The following LMOD1 variants were observed in gnomAD, a reference collection of about 807,000 sequenced individuals.
LMOD1 encodes the protein leiomodin-1.
A neutral mutation model predicts 36.5 loss-of-function variants in LMOD1; 8 were observed. That is an observed-to-expected ratio of 0.22 (90% CI 0.13 to 0.40). LMOD1 has a LOEUF of 0.40. Among genes scored for constraint, LMOD1 ranks in the 10% least tolerant of loss-of-function variants. The probability of loss-of-function intolerance (pLI) is 1.00; values close to 1 mark genes in which losing one functional copy is unlikely to be tolerated. For missense variants in LMOD1, 630 were observed against 751.1 expected (o/e 0.84, Z 1.88); for synonymous variants, 284 against 288.7 (o/e 0.98, Z 0.17).
chr1:201,916,754 G>T (rs1036063498), intron 1 of LMOD1, among the ~76,000 whole-genome samples: 1 of 152,110 alleles, frequency 6.6e-6, no homozygotes, highest in Non-Finnish European at 1.5e-5. Flanking sequence ...GACCTGCCTC[G>T]CAGCCTGACC....
chr1:201,921,031 G>A (rs193281454), intron 1 of LMOD1, among the ~76,000 whole-genome samples: 7 of 152,222 alleles, frequency 4.6e-5, no homozygotes, highest in South Asian at 2.1e-4. Context: ...GGACAATGCC[G>A]AGGAGAAGTG....
At chr1:201,928,549 T>A (rs1018104663) in intron 1 of LMOD1, among the ~76,000 whole-genome samples, 13 of 152,196 alleles carry the variant, frequency 8.5e-5, no homozygotes. Context: ...CTTGTGTGTG[T>A]GATCCAAAGG....
In LMOD1 at chr1:201,896,537, T is replaced by C. The variant is rs1681198167; in HGVS notation, c.*1835A>G. On this transcript the variant is annotated 3_prime_UTR_variant, in exon 3 of 3. Coordinates refer to ENST00000367288, the MANE Select transcript of LMOD1 (RefSeq NM_012134.3). ...GCCAAATTCTATCTGCAAAATAGAATATTGGTATCCACCTCACAGAGTTGA... is the reference window on the plus strand; with the variant it reads ...GCCAAATTCTATCTGCAAAATAGAACATTGGTATCCACCTCACAGAGTTGA... 2.2e-6 allele frequency: 1 copy of C among 456,594 alleles called. No individual in the cohort carries two copies. Among genetic ancestry groups the C allele is most frequent in the African/African-American group, 2.0e-5 (1 of 50,082 alleles). 28.3% of individuals were successfully genotyped at this position (456,594 alleles called of 1,614,324 possible).
intron 1 of LMOD1, among the ~76,000 whole-genome samples, chr1:201,935,527 T>C (rs1682001290): frequency 6.6e-6 from 1 of 152,210 alleles, no homozygotes; most frequent in Non-Finnish European, 1.5e-5. Flanking sequence ...ACACCTGTAA[T>C]CCCAGCACTT....
chr1:201,911,235 C>T (rs930932124), intron 1 of LMOD1, among the ~76,000 whole-genome samples: 2 of 152,102 alleles, frequency 1.3e-5, no homozygotes, highest in African/African-American at 2.4e-5. Context: ...AATGTCACCC[C>T]GGAAGTTTCT....
chr1:201,921,570 G>A (rs1681705272), intron 1 of LMOD1, among the ~76,000 whole-genome samples: 1 of 150,274 alleles, frequency 6.7e-6, no homozygotes, highest in Non-Finnish European at 1.5e-5. Flanking sequence ...AGTCATTGGT[G>A]TATACGTAGC....
chr1:201,919,393 G>A (rs982454646), intron 1 of LMOD1, among the ~76,000 whole-genome samples: 6 of 151,762 alleles, frequency 4.0e-5, no homozygotes, highest in South Asian at 2.1e-4. Context: ...TAGTAGAGAC[G>A]GGGTTTCACC....
chr1:201,945,732 T>C (rs990449962), intron 1 of LMOD1, among the ~76,000 whole-genome samples: 7 of 152,110 alleles, frequency 4.6e-5, no homozygotes, highest in Non-Finnish European at 8.8e-5. Flanking sequence ...CTCCTCACAA[T>C]AGGATGGAAT....
intron 1 of LMOD1, among the ~76,000 whole-genome samples, chr1:201,929,901 T>G (rs1681890890): frequency 6.6e-6 from 1 of 152,132 alleles, no homozygotes; most frequent in African/African-American, 2.4e-5. Context: ...AGGTGCTTTG[T>G]GAACACAGAG....
At chr1:201,914,075 C>T (rs1480301004) in intron 1 of LMOD1, among the ~76,000 whole-genome samples, 1 of 152,146 alleles carries the variant, frequency 6.6e-6, no homozygotes, top group Non-Finnish European at 1.5e-5. Flanking sequence ...CACCACCCAC[C>T]TTGACTGCTT....
At chr1:201,908,548 A>G (rs1681445351) in intron 1 of LMOD1, among the ~76,000 whole-genome samples, 1 of 152,136 alleles carries the variant, frequency 6.6e-6, no homozygotes, top group South Asian at 2.1e-4. Context: ...CCTGAAAAAC[A>G]GGGGCTCAAC....
intron 2 of LMOD1, among the ~76,000 whole-genome samples, chr1:201,898,935 C>T (rs1681239913): frequency 6.6e-6 from 1 of 152,146 alleles, no homozygotes; most frequent in Admixed American, 6.5e-5. Flanking sequence ...TCTGTAGAGG[C>T]CATTTCTCCA....
chr1:201,904,991 G>T (rs1681390598), intron 1 of LMOD1, among the ~76,000 whole-genome samples: 1 of 152,152 alleles, frequency 6.6e-6, no homozygotes, highest in South Asian at 2.1e-4. Flanking sequence ...GGTTATTTTT[G>T]CCTGTGTTTC....
In LMOD1 at chr1:201,946,204, G is replaced by A. The variant is rs201928706; in HGVS notation, c.137C>T (p.Pro46Leu). The A allele has an allele frequency of 8.1e-4, 1,312 of 1,613,864 alleles. No homozygotes were observed. Among genetic ancestry groups the A allele is most frequent in the Non-Finnish European group, 1.1e-3 (1,281 of 1,179,914 alleles). The change falls in exon 1 of 3, where the codon CCC (proline) becomes CTC (leucine). Residue 46 changes from proline (P) to leucine (L), a missense_variant. Physicochemically the swap from Pro to Leu is moderately conservative, Grantham distance 98. Around this residue, in one of 3 missense-constraint regions of LMOD1, gnomAD observed 405 missense variants for 400.6 expected, o/e 1.01. Transcript: ENST00000367288. Reference protein sequence around the residue: ...LDVVDPDGSVPVGLRQRNQTE... With the variant: ...LDVVDPDGSVLVGLRQRNQTE... ...CTGGTTTCTCTGCCGCAGCCCCACG[G>A]GAACACTCCCGTCTGGGTCCACCAC...
At chr1:201,909,778 G>T (rs1681463486) in intron 1 of LMOD1, among the ~76,000 whole-genome samples, 1 of 152,214 alleles carries the variant, frequency 6.6e-6, no homozygotes, top group South Asian at 2.1e-4. Flanking sequence ...GCAGTCCTCA[G>T]ATGACTCTAC....
At chr1:201,945,638 G>A (rs1451395397) in intron 1 of LMOD1, among the ~76,000 whole-genome samples, 2 of 152,162 alleles carry the variant, frequency 1.3e-5, no homozygotes, top group Admixed American at 6.5e-5. Flanking sequence ...TTGAAAATGA[G>A]TTATTCTCCC....
At chr1:201,923,922 A>G (rs1681752443) in intron 1 of LMOD1, among the ~76,000 whole-genome samples, 1 of 149,844 alleles carries the variant, frequency 6.7e-6, no homozygotes, top group South Asian at 2.1e-4. Context: ...AGAGAGAGAG[A>G]GAGAGAGAGA....
intron 1 of LMOD1, among the ~76,000 whole-genome samples, chr1:201,937,261 C>T (rs1682033686): frequency 6.6e-6 from 1 of 151,870 alleles, no homozygotes; most frequent in African/African-American, 2.4e-5. Context: ...GCCTTGGCAA[C>T]ATAGGGAGAC....
In LMOD1 at chr1:201,898,224, A is replaced by G; in HGVS notation, c.*148T>C. 2 of 763,950 alleles carry G rather than the reference A, an allele frequency of 2.6e-6. No individual in the cohort carries two copies. Among genetic ancestry groups the G allele is most frequent in the Non-Finnish European group, 4.5e-6 (2 of 445,934 alleles). 47.3% of individuals were successfully genotyped at this position (763,950 alleles called of 1,614,324 possible). On this transcript the variant is annotated 3_prime_UTR_variant, in exon 3 of 3. Transcript: ENST00000367288. The stretch of plus-strand genomic sequence containing the variant: ...AGAAGAGATAAGGCATCCTTCCTTG[A>G]GCGTGACCCAGGCCTGGACTCTCCC...
Sources: gnomAD v4.1 joint callset for allele counts (sites outside exome capture counted in the v4.1 genomes callset) on GRCh38, gnomAD v4.1.1 for gene constraint, gnomAD v4.1.1 regional missense constraint, MANE v1.5 for transcripts, NCBI Gene and HGNC (gene_info 2026-07-23, HGNC 2026-07-21) for gene names.